The following BAG5 variants were observed in gnomAD, a reference collection of about 807,000 sequenced individuals.
BAG5 encodes the protein BAG cochaperone 5, also known as BAG family molecular chaperone regulator 5.
A neutral mutation model predicts 31.8 loss-of-function variants in BAG5; 25 were observed. That is an observed-to-expected ratio of 0.79 (90% confidence interval 0.57 to 1.10). The LOEUF (loss-of-function observed/expected upper bound fraction) is 1.10. BAG5 is among the 50% of genes least tolerant of loss of function. The pLI, the probability that BAG5 is intolerant of heterozygous loss-of-function variation, is 0.00. For missense variants in BAG5, 491 were observed against 527.9 expected, an observed-to-expected ratio of 0.93 and a Z score of 0.68; for synonymous variants, 208 against 205.0, an observed-to-expected ratio of 1.01 and a Z score of -0.13.
intron 1 of BAG5, chr14:103,561,873 C>T: frequency 6.7e-7 from 1 of 1,499,480 alleles, no homozygotes; most frequent in East Asian, 2.3e-5. Context: ...AAAAAACAAC[C>T]CGCGAAAACG....
chr14:103,561,099 A>G lies in BAG5; in HGVS notation c.66T>C (p.Ser22=), dbSNP rs780690573. 5 of 1,606,838 alleles carry G rather than the reference A, an allele frequency of 3.1e-6. No individual in the cohort carries two copies. In the Admixed American group the frequency reaches 6.7e-5, roughly 21 times the overall value. ...TGAAGCCGATAACTTGCTGTTCTAC[A>G]CTTTTTACTTCCTTTTGGATTTCCT... ...RLQEIQKEVK[S]VEQQVIGFSG... is the part of the protein sequence containing the mutation. The change falls in exon 2 of 2, where the codon AGT becomes AGC. Residue 22 remains serine (S), a synonymous_variant. Transcript: ENST00000299204.
rs1013294117 is a variant in BAG5, at chr14:103,557,106, T to C, written c.*2715A>G. The C allele has an allele frequency of 1.3e-5, 2 of 152,248 alleles. No homozygotes were observed. Among genetic ancestry groups the C allele is most frequent in the African/African-American group, 2.4e-5 (1 of 41,454 alleles). 9.4% of individuals were successfully genotyped at this position (152,248 alleles called of 1,614,324 possible). On this transcript the variant is annotated 3_prime_UTR_variant, in exon 2 of 2. Transcript: ENST00000299204. ...CAAACGTTCCCAGCCATTTTTGGCA[T>C]GAACATGGACTACAGCGTTTAATGC...
At position 103,561,097 on chromosome 14, in the gene BAG5, A is replaced by G. The variant is rs2076069643; in HGVS notation, c.68T>C (p.Val23Ala). ...LQEIQKEVKS[V>A]EQQVIGFSGL... ...ACTGAAGCCGATAACTTGCTGTTCT[A>G]CACTTTTTACTTCCTTTTGGATTTC... is the stretch of plus-strand genomic sequence containing the variant. The change falls in exon 2 of 2, where the codon GTA becomes GCA. Residue 23 changes from valine (V) to alanine (A), a missense_variant. Val to Ala is a moderately conservative substitution (Grantham distance 64, BLOSUM62 0). Coordinates refer to ENST00000299204, the MANE Select transcript of BAG5 (RefSeq NM_001015048.3). The G allele has an allele frequency of 6.2e-7, 1 of 1,607,126 alleles. No individual in the cohort carries two copies. Among genetic ancestry groups the G allele is most frequent in the African/African-American group, 1.3e-5 (1 of 74,884 alleles).
In BAG5 at chr14:103,559,580, A is replaced by G; in HGVS notation, c.*241T>C. ...TTGTTTTCTGATTAAAAACGCAAAAAAAAGGACAAACCAAACAAACCACAC... is the reference window on the plus strand; with the variant it reads ...TTGTTTTCTGATTAAAAACGCAAAAGAAAGGACAAACCAAACAAACCACAC... On this transcript the variant is annotated 3_prime_UTR_variant, in exon 2 of 2. Coordinates refer to ENST00000299204, the MANE Select transcript of BAG5 (RefSeq NM_001015048.3). 3 of 455,144 alleles carry G rather than the reference A, an allele frequency of 6.6e-6. No individual in the cohort carries two copies. Among genetic ancestry groups the G allele is most frequent in the Non-Finnish European group, 1.1e-5 (3 of 267,220 alleles). The allele number at this position is 455,144 out of a possible 1,614,324, so 28.2% of individuals were successfully genotyped here. A position where few individuals can be genotyped will look rare whatever the true frequency, so the allele number is the denominator to read the frequency against.
rs763379275 is a variant in BAG5 at position 103,560,089 on chromosome 14, G to A, written c.1076C>T (p.Ala359Val). The change falls in exon 2 of 2, where the codon GCT becomes GTT. Residue 359 changes from alanine (A) to valine (V), a missense_variant. By Grantham distance (64) the Ala-to-Val change is moderately conservative. Coordinates refer to ENST00000299204, the MANE Select transcript of BAG5 (RefSeq NM_001015048.3). ...TTTATGGGATGGGTGCTCCTCACAA[G>A]CAAACAGCTTTCTTTTCTCAAGGGC... ...KEALEKRKLF[A>V]CEEHPSHKAV... is the part of the protein sequence containing the mutation. 1.3e-5 allele frequency: 21 copies of A among 1,614,140 alleles called. No homozygotes were observed. Among genetic ancestry groups the A allele is most frequent in the Non-Finnish European group, 1.6e-5 (19 of 1,180,034 alleles).
Position 103,560,713 on chromosome 14 carries a change from T to TGATA in BAG5, c.448_451dup (p.His151LeufsTer43). 6.2e-7 allele frequency: 1 copy of TGATA among 1,614,180 alleles called. No individual in the cohort carries two copies. Among genetic ancestry groups the TGATA allele is most frequent in the Non-Finnish European group, 8.5e-7 (1 of 1,180,042 alleles). On this transcript the variant is annotated frameshift_variant, in exon 2 of 2. Coordinates refer to ENST00000299204, the MANE Select transcript of BAG5 (RefSeq NM_001015048.3). LOFTEE classifies it high-confidence loss of function. ...CACCGCACAGATTTTGGTTAAAGTG[T>TGATA]GATACCTTGCTTTCCGCAAGGAGAT...
rs1275718393 is a variant in BAG5 at position 103,562,224 on chromosome 14, C to T, written c.-29+392G>A. On this transcript the variant is annotated intron_variant, in intron 1 of 1. Transcript: ENST00000299204. ...CCCAGCTGCATGCCTCGCACCCCTC[C>T]CGACTAGGTCTGAGCGGGGCAGCCG... 5.2e-6 allele frequency: 3 copies of T among 573,958 alleles called. No homozygotes were observed. The African/African-American group carries it at 5.6e-5, about 11-fold the overall frequency. 35.6% of individuals were successfully genotyped at this position (573,958 alleles called of 1,614,324 possible). A position where few individuals can be genotyped will look rare whatever the true frequency, so the allele number is the denominator to read the frequency against.
At position 103,559,739 on chromosome 14, in the gene BAG5, TA is replaced by T. The variant is rs1231284122; in HGVS notation, c.*81del. 3 of 1,477,582 alleles carry T rather than the reference TA, an allele frequency of 2.0e-6. No individual in the cohort carries two copies. Among genetic ancestry groups the T allele is most frequent in the East Asian group, 4.6e-5 (2 of 43,942 alleles). The allele number at this position is 1,477,582 out of a possible 1,614,324, so 91.5% of individuals were successfully genotyped here. A position where few individuals can be genotyped will look rare whatever the true frequency, so the allele number is the denominator to read the frequency against. On this transcript the variant is annotated 3_prime_UTR_variant, in exon 2 of 2. Coordinates refer to ENST00000299204, the MANE Select transcript of BAG5 (RefSeq NM_001015048.3). ...ATACTGAGACTGAAATATGCACGTA[TA>T]AATCAATGAACTGAAAGCTCTCTAT...
Position 103,560,192 on chromosome 14 carries a change from T to A in BAG5, c.973A>T (p.Asn325Tyr), listed in dbSNP as rs1345421292. ...CTCCTGGCTTCCCGGATGCAGGGGT[T>A]TTTTTCAAGACTTACCTCATCCAAC... Reference protein sequence around the residue: ...GQLDEVSLEKNPCIREARRRA... With the variant: ...GQLDEVSLEKYPCIREARRRA... Residue 325 changes from asparagine to tyrosine, a missense_variant, in exon 2 of 2, where the codon AAC (asparagine) becomes TAC (tyrosine). By Grantham distance (143) the Asn-to-Tyr change is moderately radical. Transcript: ENST00000299204. 6.2e-7 allele frequency: 1 copy of A among 1,614,138 alleles called. No individual in the cohort carries two copies. Among genetic ancestry groups the A allele is most frequent in the Non-Finnish European group, 8.5e-7 (1 of 1,180,018 alleles).
rs34050832 is a variant in BAG5 at position 103,561,859 on chromosome 14, C to CAA, written c.-28-669_-28-668dup. ...CAGCCCCCAACATGCTCCACTCTCT[C>CAA]AAAAAAAAACAACCCGCGAAAACGT... On this transcript the variant is annotated intron_variant, in intron 1 of 1. Transcript: ENST00000299204. 2,737 of 1,314,042 alleles carry CAA rather than the reference C, an allele frequency of 2.1e-3. 2 individuals carry two copies. The highest frequency in any genetic ancestry group is 6.4e-3 in the African/African-American group (439 of 68,338). The allele number at this position is 1,314,042 out of a possible 1,614,324, so 81.4% of individuals were successfully genotyped here. A position where few individuals can be genotyped will look rare whatever the true frequency, so the allele number is the denominator to read the frequency against.
At chr14:103,562,272 C>G in intron 1 of BAG5, 3 of 460,212 alleles carry the variant, frequency 6.5e-6, no homozygotes, top group Non-Finnish European at 3.9e-6. Flanking sequence ...CTACTGGCTG[C>G]AGCAGCCGCT....
At chr14:103,562,028 C>T in intron 1 of BAG5, 1 of 1,572,080 alleles carries the variant, frequency 6.4e-7, no homozygotes, top group African/African-American at 1.3e-5. Context: ...CGGCGGATGT[C>T]CTGGAGGCCA....
chr14:103,561,894 G>T, intron 1 of BAG5: 1 of 1,559,316 alleles, frequency 6.4e-7, no homozygotes, highest in Non-Finnish European at 8.8e-7. Flanking sequence ...TGGTAACTAT[G>T]AATAATTCAT....
At chr14:103,561,872 C>T in intron 1 of BAG5, 2 of 1,486,186 alleles carry the variant, frequency 1.3e-6, no homozygotes, top group Non-Finnish European at 1.9e-6. Flanking sequence ...AAAAAAACAA[C>T]CCGCGAAAAC....
At chr14:103,561,420 G>A (rs561324521) in intron 1 of BAG5, among the ~76,000 whole-genome samples, 26 of 152,172 alleles carry the variant, frequency 1.7e-4, no homozygotes, top group African/African-American at 6.3e-4. Context: ...GGTCTCAGAC[G>A]ATCCGCCCGC....
At chr14:103,561,698 C>T in intron 1 of BAG5, 2 of 553,032 alleles carry the variant, frequency 3.6e-6, no homozygotes, top group Non-Finnish European at 6.4e-6. Context: ...CACTTCCCCT[C>T]CCCACCCTTT....
intron 1 of BAG5, chr14:103,562,315 C>T: frequency 2.6e-6 from 1 of 386,396 alleles, no homozygotes; most frequent in Non-Finnish European, 4.8e-6. Flanking sequence ...CAGGGCGCGC[C>T]TGCAGGACGT....
At position 103,560,277 on chromosome 14, in the gene BAG5, T is replaced by C; in HGVS notation, c.888A>G (p.Ala296=). The stretch of plus-strand genomic sequence containing the variant: ...TCAGGTACAATTCAGAAGGGTTTTG[T>C]GCTTGGAGAAGTTCATTTTTTATTT... ...MREIKNELLQ[A]QNPSELYLSS... Residue 296 remains alanine (A), a synonymous_variant, in exon 2 of 2, where the codon GCA becomes GCG. Transcript: ENST00000299204. The C allele has an allele frequency of 6.2e-7, 1 of 1,614,218 alleles. No individual in the cohort carries two copies. The highest frequency in any genetic ancestry group is 8.5e-7 in the Non-Finnish European group (1 of 1,180,044).
In BAG5 at chr14:103,558,070, C is replaced by G. The variant is rs1302515089; in HGVS notation, c.*1751G>C. The stretch of plus-strand genomic sequence containing the variant: ...ATGATACAGAAAAGCAATCCTACAA[C>G]TACTGTGGCCAAAACGTGGATTCCA... On this transcript the variant is annotated 3_prime_UTR_variant, in exon 2 of 2. Transcript: ENST00000299204. The G allele has an allele frequency of 4.6e-5, 7 of 152,208 alleles. No homozygotes were observed. The highest frequency in any genetic ancestry group is 1.5e-5 in the Non-Finnish European group (1 of 68,036). The allele number at this position is 152,208 out of a possible 1,614,324, so 9.4% of individuals were successfully genotyped here.
Sources: allele counts gnomAD v4.1 joint callset (sites outside exome capture counted in the v4.1 genomes callset), GRCh38; gene constraint gnomAD v4.1.1; transcripts MANE v1.5; gene names NCBI Gene and HGNC (gene_info 2026-07-23, HGNC 2026-07-21).